AGRN: variants seen among roughly 807,000 people sequenced by gnomAD.
AGRN encodes the protein agrin proteoglycan.
Under a neutral mutation model 211.0 loss-of-function variants are expected in AGRN, and 106 were observed. That is an observed-to-expected ratio of 0.50 (90% CI 0.43 to 0.59). The LOEUF (loss-of-function observed/expected upper bound fraction) is 0.59, where lower values mean the gene tolerates loss of function less well. AGRN is among the 20% of genes least tolerant of loss of function. The probability of loss-of-function intolerance (pLI) is 0.00; values close to 1 mark genes in which losing one functional copy is unlikely to be tolerated. For missense variants in AGRN, 3,040 were observed against 2,982.6 expected (o/e 1.02, Z -0.45); for synonymous variants, 1,525 against 1,332.5 (o/e 1.14, Z -3.15).
In AGRN at chr1:1,049,957, C is replaced by T. The variant is rs370833536; in HGVS notation, c.4799C>T (p.Ala1600Val). ...SPCQPNPCHG[A>V]APCRVLPEGG... The stretch of plus-strand genomic sequence containing the variant: ...TGCCAGCCCAACCCCTGCCATGGGG[C>T]GGCGCCCTGCCGTGTGCTGCCCGAG... The change falls in exon 27 of 36, where the codon GCG becomes GTG. Residue 1600 changes from alanine (A) to valine (V), a missense_variant. This residue lies in a region of AGRN where 1,537 missense variants were observed against 1,505.0 expected (regional missense o/e 1.02). Transcript: ENST00000379370. 54 of 1,607,520 alleles carry T rather than the reference C, an allele frequency of 3.4e-5. No individual in the cohort carries two copies. Among genetic ancestry groups the T allele is most frequent in the South Asian group, 1.1e-4 (10 of 90,910 alleles).
rs754211714 is a variant in AGRN, at chr1:1,042,068, C to T, written c.1290C>T (p.Ala430=). The T allele has an allele frequency of 1.9e-6, 3 of 1,606,992 alleles. No homozygotes were observed. The highest frequency in any genetic ancestry group is 3.3e-5 in the Admixed American group (2 of 59,960). Reference sequence around the variant, plus strand: ...ACGGGGCCTACAGGCCCGTGTGTGCCCAGGACGGGCGCACGTATGACAGTG... The same window carrying T: ...ACGGGGCCTACAGGCCCGTGTGTGCTCAGGACGGGCGCACGTATGACAGTG... The part of the protein sequence containing the change: ...TCDGAYRPVC[A]QDGRTYDSDC... The change falls in exon 7 of 36, where the codon GCC becomes GCT. Residue 430 remains alanine, a synonymous_variant. Coordinates refer to ENST00000379370, the MANE Select transcript of AGRN (RefSeq NM_198576.4).
At chr1:1,027,116 C>T (rs997641038) in intron 2 of AGRN, among the ~76,000 whole-genome samples, 37 of 152,196 alleles carry the variant, frequency 2.4e-4, no homozygotes, top group African/African-American at 8.4e-4. Flanking sequence ...GAAAGGGAGA[C>T]GGCCCCTCCC....
chr1:1,040,380 C>T (rs556753837), intron 3 of AGRN, among the ~76,000 whole-genome samples: 134 of 152,308 alleles, frequency 8.8e-4, no homozygotes, highest in African/African-American at 3.1e-3. Context: ...GAGTCGGGTG[C>T]CGCCTGCGGC....
chr1:1,050,766 T>C lies in AGRN; in HGVS notation c.5182T>C (p.Ser1728Pro). 1 of 1,603,782 alleles carries C rather than the reference T, an allele frequency of 6.2e-7. No individual in the cohort carries two copies. The highest frequency in any genetic ancestry group is 8.5e-7 in the Non-Finnish European group (1 of 1,177,922). Residue 1728 changes from serine to proline, a missense_variant, in exon 30 of 36, where the codon TCA (serine) becomes CCA (proline). Physicochemically the swap from Ser to Pro is moderately conservative, Grantham distance 74. Coordinates refer to ENST00000379370, the MANE Select transcript of AGRN (RefSeq NM_198576.4). ...PVTLGAWTRV[S>P]LERNGRKGAL... ...CACCCTGGGAGCCTGGACCAGGGTC[T>C]CACTGGAGCGAAACGGCCGCAAGGG...
In AGRN at chr1:1,041,877, C is replaced by T. The variant is rs569046528; in HGVS notation, c.1178-79C>T. On this transcript the variant is annotated intron_variant, in intron 6 of 35. Coordinates refer to ENST00000379370, the MANE Select transcript of AGRN (RefSeq NM_198576.4). The stretch of plus-strand genomic sequence containing the variant: ...CTCCCCTCTGGGAGGGCCGCCTGCT[C>T]CCCTGCTCCCTGCACATCCCAGGGC... 3.4e-5 allele frequency: 54 copies of T among 1,588,198 alleles called. No individual in the cohort carries two copies. The African/African-American group carries it at 4.7e-4, about 14-fold the overall frequency.
At chr1:1,052,430 A>G (rs1557723814) in intron 33 of AGRN, 3 of 295,882 alleles carry the variant, frequency 1.0e-5, no homozygotes, top group South Asian at 5.7e-5. Context: ...GGACATGTAG[A>G]TATGCGTGTG....
At position 1,040,887 on chromosome 1, in the gene AGRN, G is replaced by A; in HGVS notation, c.727+7G>A. On this transcript the variant is annotated splice_region_variant and intron_variant, in intron 4 of 35. Coordinates refer to ENST00000379370, the MANE Select transcript of AGRN (RefSeq NM_198576.4). ...CTCAGCCGCGGGCCGTGCGGTGAGC[G>A]GGGCGGGGCCGGTGCCTGGGGCGGG... 1 of 1,479,332 alleles carries A rather than the reference G, an allele frequency of 6.8e-7. No individual in the cohort carries two copies. The highest frequency in any genetic ancestry group is 2.7e-5 in the East Asian group (1 of 36,578). 91.6% of individuals were successfully genotyped at this position (1,479,332 alleles called of 1,614,324 possible).
chr1:1,029,555 G>A (rs1644604869), intron 2 of AGRN, among the ~76,000 whole-genome samples: 1 of 152,204 alleles, frequency 6.6e-6, no homozygotes, highest in Non-Finnish European at 1.5e-5. Context: ...GAGCAGGGGT[G>A]GTGCTGGGCA....
chr1:1,041,914 G>A lies in AGRN; in HGVS notation c.1178-42G>A, dbSNP rs114521679. 1.7e-3 allele frequency: 2,731 copies of A among 1,600,618 alleles called. 69 individuals are homozygous for A. The African/African-American group carries it at 0.032, about 19-fold the overall frequency. On this transcript the variant is annotated intron_variant, in intron 6 of 35. Coordinates refer to ENST00000379370, the MANE Select transcript of AGRN (RefSeq NM_198576.4). ...GCACATCCCAGGGCAGGGATGGAGG[G>A]TGCTCCAGCCTCTCCGTGACTCCCT... is the stretch of plus-strand genomic sequence containing the variant.
rs1557712844 is a variant in AGRN at position 1,047,560 on chromosome 1, C to T, written c.3517-13C>T. On this transcript the variant is annotated splice_polypyrimidine_tract_variant and intron_variant, in intron 20 of 35. Transcript: ENST00000379370. ...GGGCGGCCCCCCAAGTCCTTGCCTACTCCCTGCCACAGCTGGACGACCTCT... is the reference window on the plus strand; with the variant it reads ...GGGCGGCCCCCCAAGTCCTTGCCTATTCCCTGCCACAGCTGGACGACCTCT... 1 of 1,612,538 alleles carries T rather than the reference C, an allele frequency of 6.2e-7. No homozygotes were observed.
chr1:1,034,931 G>GGGGC (rs1644764966), intron 2 of AGRN: 1 of 424,876 alleles, frequency 2.4e-6, no homozygotes, highest in African/African-American at 2.0e-5. Context: ...TGGGGAGGGA[G>GGGGC]GGGCAGCCGG....
Position 1,020,221 on chromosome 1 carries a change from C to G in AGRN, c.49C>G (p.Leu17Val). 1.4e-6 allele frequency: 2 copies of G among 1,415,432 alleles called. No homozygotes were observed. The highest frequency in any genetic ancestry group is 1.8e-6 in the Non-Finnish European group (2 of 1,085,274). The allele number at this position is 1,415,432 out of a possible 1,614,324, so 87.7% of individuals were successfully genotyped here. ...CCCGCTGCGGCCGCTGCTGCCGCTC[C>G]TTGTGGTGGCCGCGTGCGTCCTGCC... The part of the protein sequence containing the change: ...PGPLRPLLPL[L>V]VVAACVLPGA... Residue 17 changes from leucine (L) to valine (V), a missense_variant, in exon 1 of 36, where the codon CTT becomes GTT. This residue lies in a region of AGRN where 1,498 missense variants were observed against 1,457.8 expected (regional missense o/e 1.03). Coordinates refer to ENST00000379370, the MANE Select transcript of AGRN (RefSeq NM_198576.4).
In AGRN at chr1:1,044,011, C is replaced by T. The variant is rs1645021195; in HGVS notation, c.1987C>T (p.Pro663Ser). The T allele has an allele frequency of 3.1e-6, 5 of 1,608,262 alleles. No homozygotes were observed. The highest frequency in any genetic ancestry group is 3.4e-6 in the Non-Finnish European group (4 of 1,179,222). The change falls in exon 10 of 36, where the codon CCG (proline) becomes TCG (serine). Residue 663 changes from proline (P) to serine (S), a missense_variant. Pro to Ser is a moderately conservative substitution (Grantham distance 74). Around this residue, in one of 3 missense-constraint regions of AGRN, gnomAD observed 1,498 missense variants for 1,457.8 expected, o/e 1.03. Transcript: ENST00000379370. ...QTQIEEARAG[P>S]CEQAECGSGG... ...ACAGATCGAGGAGGCCCGGGCAGGG[C>T]CGTGCGAGCAGGGTAGGCCGGGGGA...
At position 1,040,839 on chromosome 1, in the gene AGRN, G is replaced by A. The variant is rs1284515586; in HGVS notation, c.686G>A (p.Ser229Asn). Residue 229 changes from serine (S) to asparagine (N), a missense_variant, in exon 4 of 36, where the codon AGC (serine) becomes AAC (asparagine). Coordinates refer to ENST00000379370, the MANE Select transcript of AGRN (RefSeq NM_198576.4). ...NECELQRAQC[S>N]QQRRIRLLSR... ...TGCGAGCTGCAGCGGGCGCAGTGCA[G>A]CCAGCAGCGCCGCATCCGCCTGCTC... The A allele has an allele frequency of 2.6e-6, 4 of 1,533,214 alleles. No individual in the cohort carries two copies. The Admixed American group carries it at 7.9e-5, about 30-fold the overall frequency. 95.0% of individuals were successfully genotyped at this position (1,533,214 alleles called of 1,614,324 possible).
chr1:1,051,056 T>C, intron 30 of AGRN, 197 bp from the exon 31 acceptor site: 1 of 1,548,660 alleles, frequency 6.5e-7, no homozygotes, highest in Non-Finnish European at 8.7e-7. Flanking sequence ...ACTGTCGGCC[T>C]CTCATCCGCT....
At chr1:1,051,397 G>T in intron 31 of AGRN, 28 bp downstream of exon 31, 1 of 1,548,744 alleles carries the variant, frequency 6.5e-7, no homozygotes, top group South Asian at 1.2e-5. Context: ...GTCCCAGCAG[G>T]GCCTCCGGGG....
In AGRN at chr1:1,045,565, C is replaced by A; in HGVS notation, c.2536+42C>A. ...AGGACTGGCCACCGGCTATGCCCTC[C>A]TACCTGTTCACCCCCATCACTGTGC... On this transcript the variant is annotated intron_variant, in intron 14 of 35. Transcript: ENST00000379370. 2.5e-6 allele frequency: 4 copies of A among 1,608,696 alleles called. 1 individual carries two copies. Among genetic ancestry groups the A allele is most frequent in the Non-Finnish European group, 3.4e-6 (4 of 1,177,712 alleles).
At chr1:1,035,525 C>T (rs1385685558) in intron 3 of AGRN, among the ~76,000 whole-genome samples, 1 of 152,244 alleles carries the variant, frequency 6.6e-6, no homozygotes, top group Non-Finnish European at 1.5e-5. Context: ...CGCCTGACGG[C>T]ACTGGACCTC....
chr1:1,023,687 C>T (rs1196231008), intron 2 of AGRN, among the ~76,000 whole-genome samples: 2 of 152,280 alleles, frequency 1.3e-5, no homozygotes, highest in Non-Finnish European at 1.5e-5. Flanking sequence ...CCCGAGAGTC[C>T]GTGACTTAGT....
Sources: allele counts gnomAD v4.1 joint callset (sites outside exome capture counted in the v4.1 genomes callset), GRCh38; gene constraint gnomAD v4.1.1; regional missense constraint gnomAD v4.1.1; transcripts MANE v1.5; gene names NCBI Gene and HGNC (gene_info 2026-07-23, HGNC 2026-07-21).